STK31: variants seen among roughly 807,000 people sequenced by gnomAD.
STK31 encodes serine/threonine kinase 31, also known as serine/threonine-protein kinase 31.
Under a neutral mutation model 129.7 loss-of-function variants are expected in STK31, and 89 were observed. That is an observed-to-expected ratio of 0.69 (90% CI 0.58 to 0.82). The LOEUF (loss-of-function observed/expected upper bound fraction) is 0.82, where lower values mean the gene tolerates loss of function less well. STK31 is among the 40% of genes least tolerant of loss of function. The pLI, the probability that STK31 is intolerant of heterozygous loss-of-function variation, is 0.00. For missense variants in STK31, 1,187 were observed against 1,176.4 expected (o/e 1.01, Z -0.13); for synonymous variants, 448 against 395.3 (o/e 1.13, Z -1.58).
chr7:23,727,883 T>G (rs1787184702), intron 5 of STK31, among the ~76,000 whole-genome samples: 1 of 151,964 alleles, frequency 6.6e-6, no homozygotes. Context: ...AATAATTATA[T>G]TTGGTTCTTG....
chr7:23,731,183 A>G (rs1290067496), intron 6 of STK31, among the ~76,000 whole-genome samples: 1 of 151,842 alleles, frequency 6.6e-6, no homozygotes, highest in South Asian at 2.1e-4. Flanking sequence ...CCGGCTAAAC[A>G]TTTGTATTTG....
Position 23,786,910 on chromosome 7 carries a change from C to T in STK31, c.2473C>T (p.Pro825Ser), listed in dbSNP as rs921617026. The change falls in exon 20 of 24, where the codon CCT (proline) becomes TCT (serine). Residue 825 changes from proline (P) to serine (S), a missense_variant. Around this residue, in one of 5 missense-constraint regions of STK31, gnomAD observed 975 missense variants for 934.9 expected, o/e 1.04. Transcript: ENST00000355870. ...CCTGAATGCTGTTCAAGCCAACATG[C>T]CTTTAAATTCAGAAGTAAGTAAAAA... The part of the protein sequence containing the change: ...ANLNAVQANM[P>S]LNSEETLKVM... The T allele has an allele frequency of 6.2e-7, 1 of 1,613,452 alleles. No individual in the cohort carries two copies. Among genetic ancestry groups the T allele is most frequent in the African/African-American group, 1.3e-5 (1 of 74,842 alleles).
At chr7:23,753,221 A>T (rs12700462) in intron 9 of STK31, among the ~76,000 whole-genome samples, 1 of 152,008 alleles carries the variant, frequency 6.6e-6, no homozygotes, top group Non-Finnish European at 1.5e-5. Flanking sequence ...AAGAAAATCA[A>T]TTCCTAGCTG....
chr7:23,794,697 C>T (rs773289801), intron 22 of STK31, among the ~76,000 whole-genome samples: 20 of 152,050 alleles, frequency 1.3e-4, no homozygotes, highest in Non-Finnish European at 2.1e-4. Context: ...GGTGGTCTCA[C>T]CTGGAGATGA....
In STK31 at chr7:23,788,201, T is replaced by C. The variant is rs963327932; in HGVS notation, c.2637+72T>C. 8 of 1,293,402 alleles carry C rather than the reference T, an allele frequency of 6.2e-6. No individual in the cohort carries two copies. The South Asian group carries it at 7.3e-5, about 12-fold the overall frequency. The allele number at this position is 1,293,402 out of a possible 1,614,324, so 80.1% of individuals were successfully genotyped here. On this transcript the variant is annotated intron_variant, in intron 21 of 23. Coordinates refer to ENST00000355870, the MANE Select transcript of STK31 (RefSeq NM_031414.5). ...TTATTAAGCAGTAGTTCAGCACTTATATATAATATAATACTTTATTATAGG... is the reference window on the plus strand; with the variant it reads ...TTATTAAGCAGTAGTTCAGCACTTACATATAATATAATACTTTATTATAGG...
At chr7:23,749,500 G>A in intron 8 of STK31, among the ~76,000 whole-genome samples, 1 of 149,086 alleles carries the variant, frequency 6.7e-6, no homozygotes. Flanking sequence ...GCACCACCAT[G>A]CCTGGCTAAT....
chr7:23,776,352 G>A (rs1275975670), intron 15 of STK31, among the ~76,000 whole-genome samples: 1 of 152,162 alleles, frequency 6.6e-6, no homozygotes, highest in East Asian at 1.9e-4. Context: ...CATAAAATGA[G>A]TTAGGGAGGA....
chr7:23,830,402 C>A (rs1794469507), intron 23 of STK31, among the ~76,000 whole-genome samples: 1 of 151,756 alleles, frequency 6.6e-6, no homozygotes, highest in South Asian at 2.1e-4. Context: ...CTTCTCTTTT[C>A]TCACTGCTTT....
At chr7:23,819,598 T>A (rs12700483) in intron 23 of STK31, among the ~76,000 whole-genome samples, 115,903 of 152,096 alleles carry the variant, frequency 0.76, 44,760 homozygotes, top group African/African-American at 0.88. Flanking sequence ...TATTTTTGGT[T>A]GAGACAGAGT....
chr7:23,827,450 G>A (rs1444269202), intron 23 of STK31, among the ~76,000 whole-genome samples: 1 of 152,018 alleles, frequency 6.6e-6, no homozygotes, highest in Non-Finnish European at 1.5e-5. Context: ...AGCTCCATGA[G>A]GTCCTTTAAG....
intron 23 of STK31, among the ~76,000 whole-genome samples, chr7:23,828,364 AG>A (rs879684056): frequency 1.3e-5 from 2 of 152,176 alleles, no homozygotes; most frequent in Non-Finnish European, 2.9e-5. Context: ...GCAATGAGCG[AG>A]GCTCCTTGGG....
chr7:23,818,619 TAAA>T (rs70939858), intron 23 of STK31, among the ~76,000 whole-genome samples: 3,474 of 148,724 alleles, frequency 0.023, 203 homozygotes, highest in African/African-American at 0.083. Context: ...TTTGTTTTGT[TAAA>T]AAAAAAAACA....
chr7:23,710,903 C>T (rs6461727), intron 1 of STK31: 129,510 of 635,202 alleles, frequency 0.2, 15,133 homozygotes, highest in African/African-American at 0.4. Context: ...TATATAGTCT[C>T]CCTAAAAGTT....
chr7:23,768,225 A>C (rs1350680806), intron 11 of STK31, among the ~76,000 whole-genome samples: 2 of 152,128 alleles, frequency 1.3e-5, no homozygotes, highest in African/African-American at 4.8e-5. Flanking sequence ...AATTGCTTAC[A>C]TTATTCAGCA....
chr7:23,769,618 T>G (rs1197016046), intron 12 of STK31, 22 bp from the exon 13 acceptor site: 1 of 1,445,540 alleles, frequency 6.9e-7, no homozygotes, highest in East Asian at 2.3e-5. Context: ...AGATATTTCA[T>G]GTGTTTATTT....
Position 23,788,139 on chromosome 7 carries a change from C to T in STK31, c.2637+10C>T. ...CTTCACCAAATCTGTGGTAAGATAT[C>T]ATGGTTTTACAAATAGGTTCTAGAC... On this transcript the variant is annotated intron_variant, in intron 21 of 23. Coordinates refer to ENST00000355870, the MANE Select transcript of STK31 (RefSeq NM_031414.5). The T allele has an allele frequency of 6.2e-7, 1 of 1,603,036 alleles. No homozygotes were observed. Among genetic ancestry groups the T allele is most frequent in the Non-Finnish European group, 8.5e-7 (1 of 1,175,514 alleles).
At chr7:23,727,424 G>T in intron 5 of STK31, 109 bp downstream of exon 5, 1 of 835,542 alleles carries the variant, frequency 1.2e-6, no homozygotes, top group Non-Finnish European at 1.9e-6. Context: ...ACTGATACCT[G>T]GTTCAGTGAT....
intron 1 of STK31, chr7:23,710,896 A>G (rs779004252): frequency 2.6e-5 from 18 of 703,072 alleles, no homozygotes; most frequent in Non-Finnish European, 2.3e-5. Flanking sequence ...GTGGGAATAT[A>G]TAGTCTCCCT....
chr7:23,812,534 C>G (rs960105297), intron 22 of STK31, among the ~76,000 whole-genome samples: 1 of 147,520 alleles, frequency 6.8e-6, no homozygotes, highest in East Asian at 2.0e-4. Context: ...TTAAATTTCT[C>G]TAGATTTAGG....
Sources: allele counts gnomAD v4.1 joint callset (sites outside exome capture counted in the v4.1 genomes callset), GRCh38; gene constraint gnomAD v4.1.1; regional missense constraint gnomAD v4.1.1; transcripts MANE v1.5; gene names NCBI Gene and HGNC (gene_info 2026-07-23, HGNC 2026-07-21).